Variants in TLK2 observed in about 807,000 individuals in gnomAD.
TLK2 encodes serine/threonine-protein kinase tousled-like 2.
In TLK2, 6 loss-of-function variants were observed where a neutral mutation model predicts 117.3. The ratio of observed to expected loss-of-function variants is 0.05; its 90% CI spans 0.03 to 0.10. The LOEUF (loss-of-function observed/expected upper bound fraction) is 0.10. Among genes scored for constraint, TLK2 ranks in the 10% least tolerant of loss-of-function variants. The pLI is 1.00. For synonymous variants in TLK2, 257 were observed against 316.7 expected (o/e 0.81, Z 2.00); for missense variants, 299 against 901.2 (o/e 0.33, Z 8.56).
At chr17:62,577,917 T>G (rs1340776355) in intron 13 of TLK2, among the ~76,000 whole-genome samples, 1 of 152,060 alleles carries the variant, frequency 6.6e-6, no homozygotes, top group East Asian at 1.9e-4. Flanking sequence ...CGTGGTGGCA[T>G]GTACCTGTAA....
At chr17:62,604,154 G>A (rs963411650) in intron 19 of TLK2, among the ~76,000 whole-genome samples, 15 of 151,838 alleles carry the variant, frequency 9.9e-5, no homozygotes, top group African/African-American at 1.9e-4. Context: ...ACATGCACCC[G>A]CCACCACGCC....
intron 16 of TLK2, among the ~76,000 whole-genome samples, chr17:62,594,749 G>T (rs2082332190): frequency 1.3e-5 from 2 of 151,986 alleles, no homozygotes; most frequent in Admixed American, 1.3e-4. Flanking sequence ...GGCAAGGTGG[G>T]AGCCACCCTA....
Position 62,606,116 on chromosome 17 carries a change from C to A in TLK2, c.1860-14C>A. On this transcript the variant is annotated splice_polypyrimidine_tract_variant and intron_variant, in intron 19 of 21. Transcript: ENST00000346027. ...ATCATTATTCTAATAATTTATATTT[C>A]TTTTTTGTCCCAGGTATTTACCACC... 4.0e-6 allele frequency: 5 copies of A among 1,238,358 alleles called. No individual in the cohort carries two copies. Among genetic ancestry groups the A allele is most frequent in the Admixed American group, 4.3e-5 (2 of 46,730 alleles). The allele number at this position is 1,238,358 out of a possible 1,614,324, so 76.7% of individuals were successfully genotyped here. A position where few individuals can be genotyped will look rare whatever the true frequency, so the allele number is the denominator to read the frequency against.
chr17:62,537,774 G>A (rs1022172896), intron 7 of TLK2, among the ~76,000 whole-genome samples: 1 of 152,126 alleles, frequency 6.6e-6, no homozygotes, highest in Admixed American at 6.5e-5. Flanking sequence ...GAAGTGTTTT[G>A]ATCTTTAATC....
intron 1 of TLK2, 43 bp from the exon 2 acceptor site, chr17:62,481,078 A>C: frequency 1.3e-6 from 2 of 1,599,068 alleles, no homozygotes; most frequent in Non-Finnish European, 1.7e-6. Flanking sequence ...GCCTCCTCAC[A>C]TTTTAGTGTT....
At chr17:62,494,631 C>T (rs1319722287) in intron 2 of TLK2, among the ~76,000 whole-genome samples, 1 of 151,510 alleles carries the variant, frequency 6.6e-6, no homozygotes, top group African/African-American at 2.4e-5. Flanking sequence ...GGTGATCCAC[C>T]CGTCTCAAGT....
intron 3 of TLK2, among the ~76,000 whole-genome samples, chr17:62,521,854 G>A (rs1476991313): frequency 1.3e-5 from 2 of 152,168 alleles, no homozygotes; most frequent in Non-Finnish European, 2.9e-5. Context: ...TGGATTTAAA[G>A]TAGAAGTAGT....
At chr17:62,482,979 T>G (rs375629054) in intron 2 of TLK2, among the ~76,000 whole-genome samples, 1 of 152,230 alleles carries the variant, frequency 6.6e-6, no homozygotes, top group African/African-American at 2.4e-5. Context: ...CAGTTTACTT[T>G]TGTGGCACTT....
At chr17:62,497,736 C>G (rs12943434) in intron 2 of TLK2, among the ~76,000 whole-genome samples, 3 of 152,108 alleles carry the variant, frequency 2.0e-5, no homozygotes, top group African/African-American at 7.2e-5. Flanking sequence ...CTCTTGTTGC[C>G]CGGGCTGGAG....
chr17:62,473,893 ATTTTT>A (rs776472170), upstream of TLK2, among the ~76,000 whole-genome samples: 1 of 151,614 alleles, frequency 6.6e-6, no homozygotes, highest in South Asian at 2.1e-4. Flanking sequence ...CATAGCCTAG[ATTTTT>A]TTTCTTTTCT....
At chr17:62,529,664 T>A (rs2076607437) in intron 6 of TLK2, among the ~76,000 whole-genome samples, 1 of 152,218 alleles carries the variant, frequency 6.6e-6, no homozygotes, top group Non-Finnish European at 1.5e-5. Context: ...TACCATATAA[T>A]TAGATTTTTT....
chr17:62,511,318 T>C (rs1282600564), intron 2 of TLK2, among the ~76,000 whole-genome samples: 1 of 152,222 alleles, frequency 6.6e-6, no homozygotes, highest in Non-Finnish European at 1.5e-5. Context: ...AGATCTATTT[T>C]CCTCTATAAT....
At chr17:62,488,550 GTA>G (rs1240748192) in intron 2 of TLK2, among the ~76,000 whole-genome samples, 7 of 152,072 alleles carry the variant, frequency 4.6e-5, no homozygotes, top group African/African-American at 1.7e-4. Context: ...ATTTACTTTA[GTA>G]TTTATTTGAT....
chr17:62,603,625 T>C lies in TLK2; in HGVS notation c.1859+1445T>C, dbSNP rs542912566. On this transcript the variant is annotated intron_variant, in intron 19 of 21. Coordinates refer to ENST00000346027, the MANE Select transcript of TLK2 (RefSeq NM_006852.6). ...GTGATTAGAATTTAAGTAAAAATTA[T>C]GTGATGCTAGGGATTTTGCTTCAAA... Among the ~76,000 whole-genome samples the C allele has an allele frequency of 2.2e-3, 341 of 152,324 alleles. 3 individuals carry two copies. The highest frequency in any genetic ancestry group is 7.7e-3 in the African/African-American group (322 of 41,580).
chr17:62,519,879 G>C (rs1287472054), intron 2 of TLK2, among the ~76,000 whole-genome samples: 1 of 152,058 alleles, frequency 6.6e-6, no homozygotes, highest in Non-Finnish European at 1.5e-5. Context: ...TACAGTCTAG[G>C]CTGTATCTTC....
At chr17:62,496,799 C>CA (rs1038980382) in intron 2 of TLK2, among the ~76,000 whole-genome samples, 1 of 151,032 alleles carries the variant, frequency 6.6e-6, no homozygotes, top group African/African-American at 2.4e-5. Flanking sequence ...ACTAAAAGTA[C>CA]AAAAAAAATT....
intron 16 of TLK2, 79 bp from the exon 17 acceptor site, chr17:62,596,506 G>T: frequency 9.6e-7 from 1 of 1,046,298 alleles, no homozygotes; most frequent in South Asian, 1.3e-5. Context: ...AGAAATGATT[G>T]AATATTTAGG....
At chr17:62,478,630 C>T (rs1311061075), upstream of TLK2, among the ~76,000 whole-genome samples, 2 of 150,912 alleles carry the variant, frequency 1.3e-5, no homozygotes, top group Non-Finnish European at 3.0e-5. Context: ...TGGTTAACCC[C>T]TGCCCGGCAG....
intron 2 of TLK2, among the ~76,000 whole-genome samples, chr17:62,494,971 G>A (rs1232285498): frequency 1.3e-5 from 2 of 152,198 alleles, no homozygotes; most frequent in East Asian, 1.9e-4. Flanking sequence ...TTTAAGACCA[G>A]CCTGGCCAAC....
Sources: gnomAD v4.1 joint callset for allele counts (sites outside exome capture counted in the v4.1 genomes callset) on GRCh38, gnomAD v4.1.1 for gene constraint, MANE v1.5 for transcripts, NCBI Gene and HGNC (gene_info 2026-07-23, HGNC 2026-07-21) for gene names.